NSD1: variants seen among roughly 807,000 people sequenced by gnomAD.
NSD1 encodes the protein nuclear receptor binding SET domain protein 1, also known as histone-lysine N-methyltransferase, H3 lysine-36 specific.
Under a neutral mutation model 242.7 loss-of-function variants are expected in NSD1, and 26 were observed. That is an observed-to-expected ratio of 0.11 (90% CI 0.08 to 0.15). NSD1 has a LOEUF of 0.15. Among genes scored for constraint, NSD1 ranks in the 10% least tolerant of loss-of-function variants. The pLI, the probability that NSD1 is intolerant of heterozygous loss-of-function variation, is 1.00. For missense variants in NSD1, 2,495 were observed against 3,272.8 expected (o/e 0.76, Z 5.80); for synonymous variants, 1,106 against 1,178.1 (o/e 0.94, Z 1.25).
chr5:177,155,518 C>A (rs2149782148), intron 2 of NSD1, among the ~76,000 whole-genome samples: 1 of 149,926 alleles, frequency 6.7e-6, no homozygotes, highest in African/African-American at 2.4e-5. Context: ...CCTGCCTTGG[C>A]CTCCCAATGT....
chr5:177,203,091 C>A (rs1319827210), intron 3 of NSD1, among the ~76,000 whole-genome samples: 8 of 151,948 alleles, frequency 5.3e-5, no homozygotes, highest in Admixed American at 4.6e-4. Flanking sequence ...TATTTGGATT[C>A]TTTTCTGTGT....
At chr5:177,215,039 C>T (rs959082988) in intron 5 of NSD1, among the ~76,000 whole-genome samples, 1 of 152,018 alleles carries the variant, frequency 6.6e-6, no homozygotes, top group Non-Finnish European at 1.5e-5. Context: ...TTCCAACATA[C>T]TTTTTCTTTT....
chr5:177,154,447 G>A (rs887288231), intron 2 of NSD1, among the ~76,000 whole-genome samples: 1 of 152,104 alleles, frequency 6.6e-6, no homozygotes, highest in Non-Finnish European at 1.5e-5. Flanking sequence ...CTTTTAAGCT[G>A]ACCCAATCAT....
intron 3 of NSD1, among the ~76,000 whole-genome samples, chr5:177,194,602 T>TTTA (rs1554185948): frequency 5.2e-5 from 7 of 135,322 alleles, no homozygotes; most frequent in African/African-American, 1.9e-4. Flanking sequence ...TTTTTTTTTT[T>TTTA]AAAAAGGATG....
At position 177,283,280 on chromosome 5, in the gene NSD1, T is replaced by C. The variant is rs1472919388; in HGVS notation, c.6010-507T>C. On this transcript the variant is annotated intron_variant, in intron 19 of 22. Transcript: ENST00000439151. ...TAGTTTTTATAATAAAACCCTTTCT[T>C]GGTATTTACCTTTGTAAACATTTCT... Among the ~76,000 whole-genome samples, 6 of 152,316 alleles carry C rather than the reference T, an allele frequency of 3.9e-5. No individual in the cohort carries two copies. The East Asian group carries it at 1.2e-3, about 29-fold the overall frequency.
In NSD1 at chr5:177,295,120, C is replaced by T. The variant is rs1175003950; in HGVS notation, c.7752C>T (p.Val2584=). 3.7e-6 allele frequency: 6 copies of T among 1,613,062 alleles called. No individual in the cohort carries two copies. The highest frequency in any genetic ancestry group is 5.1e-6 in the Non-Finnish European group (6 of 1,179,302). ...PGLVKQAKQM[V]GGQQLPALAA... ...TGGTGAAGCAGGCGAAGCAGATGGTCGGAGGCCAGCAACTACCTGCACTTG... is the reference window on the plus strand; with the variant it reads ...TGGTGAAGCAGGCGAAGCAGATGGTTGGAGGCCAGCAACTACCTGCACTTG... The change falls in exon 23 of 23, where the codon GTC becomes GTT. Residue 2584 remains valine, a synonymous_variant. Coordinates refer to ENST00000439151, the MANE Select transcript of NSD1 (RefSeq NM_022455.5). The surrounding 1 kb of genome is among the most constrained non-coding windows in gnomAD (Gnocchi z 4.3).
chr5:177,159,888 C>G (rs960589655), intron 2 of NSD1, among the ~76,000 whole-genome samples: 1 of 149,836 alleles, frequency 6.7e-6, no homozygotes, highest in Non-Finnish European at 1.5e-5. Flanking sequence ...TGCACCCGGC[C>G]GAATATATTT....
chr5:177,236,658 T>A (rs1013411473), intron 6 of NSD1, among the ~76,000 whole-genome samples: 6 of 152,194 alleles, frequency 3.9e-5, no homozygotes, highest in African/African-American at 1.2e-4. Context: ...TCCTCATAGG[T>A]GTCACTTAGA....
upstream of NSD1, chr5:177,133,182 C>G (rs1755988856): frequency 6.6e-6 from 1 of 152,488 alleles, no homozygotes; most frequent in Admixed American, 6.5e-5. This position sits in a 1 kb window ranked among gnomAD's most constrained non-coding sequence, Gnocchi z 6.2. Flanking sequence ...AGGGGGGTTG[C>G]CTTGGCCTCG....
chr5:177,275,720 A>G (rs1439313170), intron 17 of NSD1, among the ~76,000 whole-genome samples: 1 of 152,092 alleles, frequency 6.6e-6, no homozygotes, highest in East Asian at 1.9e-4. Flanking sequence ...GGCGTGAGCC[A>G]CTGCGCCCGG....
At chr5:177,291,602 G>A (rs1434326289) in intron 21 of NSD1, among the ~76,000 whole-genome samples, 6 of 152,180 alleles carry the variant, frequency 3.9e-5, no homozygotes, top group South Asian at 2.1e-4. Context: ...GCAGTGAGCC[G>A]AGATCGCGCC....
chr5:177,191,848 A>C (rs776648513), intron 2 of NSD1, 36 bp from the exon 3 acceptor site: 1 of 1,610,358 alleles, frequency 6.2e-7, no homozygotes, highest in Admixed American at 1.7e-5. Flanking sequence ...AAATATTTTG[A>C]TTCTTATTGA....
At chr5:177,178,680 C>T (rs926011833) in intron 2 of NSD1, among the ~76,000 whole-genome samples, 1 of 152,204 alleles carries the variant, frequency 6.6e-6, no homozygotes, top group Admixed American at 6.5e-5. Context: ...TCACAGCTCA[C>T]TGCATCCTCG....
Position 177,134,644 on chromosome 5 carries a change from C to T in NSD1, c.-17-443C>T, listed in dbSNP as rs1756152130. On this transcript the variant is annotated intron_variant, in intron 1 of 22. Coordinates refer to ENST00000439151, the MANE Select transcript of NSD1 (RefSeq NM_022455.5). The surrounding 1 kb of genome is among the most constrained non-coding windows in gnomAD (Gnocchi z 4.2). ...GTGCAGCGCTATTGTGACCGCTGCG[C>T]CCTAGCGAGCCAGGAAGGGGGGGGT... Among the ~76,000 whole-genome samples the T allele has an allele frequency of 6.6e-6, 1 of 152,306 alleles. No homozygotes were observed. The highest frequency in any genetic ancestry group is 2.1e-4 in the South Asian group (1 of 4,832).
rs61538775 is a variant in NSD1 at position 177,264,028 on chromosome 5, A to ATTTTTTTTTTTTTTTTTTTTTTTTTT, written c.5147-3533_5147-3508dup. Among the ~76,000 whole-genome samples the ATTTTTTTTTTTTTTTTTTTTTTTTTT allele has an allele frequency of 1.3e-3, 98 of 76,382 alleles. 15 individuals are homozygous for ATTTTTTTTTTTTTTTTTTTTTTTTTT. The highest frequency in any genetic ancestry group is 1.9e-3 in the Non-Finnish European group (77 of 40,754). 50.1% of individuals were successfully genotyped at this position (76,382 alleles called of 152,430 possible). ...AAGATGCATATGACTCAATGAACCAATTTTTTTTTTTTTTTTTTTTTTTTT... is the reference window on the plus strand; with the variant it reads ...AAGATGCATATGACTCAATGAACCAATTTTTTTTTTTTTTTTTTTTTTTTTTTTTTTTTTTTTTTTTTTTTTTTTTT... On this transcript the variant is annotated intron_variant, in intron 14 of 22. Transcript: ENST00000439151.
At chr5:177,219,454 G>A (rs1764067604) in intron 5 of NSD1, among the ~76,000 whole-genome samples, 1 of 152,022 alleles carries the variant, frequency 6.6e-6, no homozygotes, top group African/African-American at 2.4e-5. Flanking sequence ...CAAAGTGCTG[G>A]GATTACAGGC....
chr5:177,229,799 A>C (rs373554868), intron 5 of NSD1: 1 of 385,910 alleles, frequency 2.6e-6, no homozygotes, highest in African/African-American at 2.2e-5. Flanking sequence ...GCTGGAGTGC[A>C]GTGGCACGAT....
intron 2 of NSD1, among the ~76,000 whole-genome samples, chr5:177,155,950 C>G (rs1758098038): frequency 6.6e-6 from 1 of 151,806 alleles, no homozygotes; most frequent in Non-Finnish European, 1.5e-5. Context: ...GGTGATATGC[C>G]CGACTCAGCC....
rs554222214 is a variant in NSD1 at position 177,290,108 on chromosome 5, G to A, written c.6258+1183G>A. On this transcript the variant is annotated intron_variant, in intron 21 of 22. Coordinates refer to ENST00000439151, the MANE Select transcript of NSD1 (RefSeq NM_022455.5). ...CTCCCAAAGTGCTGGGATTACAGGC[G>A]TGAGCCACTGTGCCCGGCCCTTATA... is the stretch of plus-strand genomic sequence containing the variant. Among the ~76,000 whole-genome samples the A allele has an allele frequency of 8.9e-3, 1,343 of 151,158 alleles. 12 individuals carry two copies. The highest frequency in any genetic ancestry group is 0.01 in the Non-Finnish European group (693 of 67,840).
Sources: allele counts gnomAD v4.1 joint callset (sites outside exome capture counted in the v4.1 genomes callset), GRCh38; gene constraint gnomAD v4.1.1; non-coding constraint Gnocchi (gnomAD v3.1); transcripts MANE v1.5; gene names NCBI Gene and HGNC (gene_info 2026-07-23, HGNC 2026-07-21).